Variants in RALYL observed in about 807,000 individuals in gnomAD.
RALYL encodes the protein RALY RNA binding protein like, also known as RNA-binding Raly-like protein.
In RALYL, 29 loss-of-function variants were observed where a neutral mutation model predicts 35.1. That is an observed-to-expected ratio of 0.83 (90% CI 0.61 to 1.13). RALYL has a LOEUF of 1.13. RALYL is among the 50% of genes most tolerant of loss of function. RALYL has a pLI of 0.00. For synonymous variants in RALYL, 120 were observed against 127.6 expected (o/e 0.94, Z 0.40); for missense variants, 359 against 360.4 (o/e 1.00, Z 0.03).
At chr8:84,483,360 G>A (rs992817261) in intron 1 of RALYL, among the ~76,000 whole-genome samples, 1 of 152,024 alleles carries the variant, frequency 6.6e-6, no homozygotes, top group Non-Finnish European at 1.5e-5. Flanking sequence ...TTCTTCTGGA[G>A]GTGTAGGGTA....
At chr8:84,649,291 C>A (rs959874632) in intron 2 of RALYL, among the ~76,000 whole-genome samples, 7 of 152,008 alleles carry the variant, frequency 4.6e-5, no homozygotes, top group Non-Finnish European at 8.8e-5. Flanking sequence ...TTAATTAGAT[C>A]CCATTTGTCA....
intron 1 of RALYL, among the ~76,000 whole-genome samples, chr8:84,307,533 G>A (rs1490360265): frequency 1.3e-5 from 2 of 152,158 alleles, no homozygotes; most frequent in African/African-American, 2.4e-5. Context: ...ATTGATTAAA[G>A]TAGTATCAAT....
At chr8:84,340,961 A>C (rs1356328562) in intron 1 of RALYL, among the ~76,000 whole-genome samples, 2 of 151,934 alleles carry the variant, frequency 1.3e-5, no homozygotes, top group Non-Finnish European at 2.9e-5. Context: ...GTTTTTCCAT[A>C]ATTTTGCAAG....
intron 1 of RALYL, among the ~76,000 whole-genome samples, chr8:84,446,779 G>A (rs1416823570): frequency 1.3e-5 from 2 of 151,966 alleles, no homozygotes; most frequent in African/African-American, 2.4e-5. Context: ...AGCTGAGGGG[G>A]TGCCATGCAG....
Position 84,486,009 on chromosome 8 carries a change from CTTT to C in RALYL, c.-23-43271_-23-43269del, listed in dbSNP as rs3043836. ...ACTCCTGTAATTTGAAAATCAAAAG[CTTT>C]TTTTTTTTTTTTTTTTTTGAGGAAG... is the stretch of plus-strand genomic sequence containing the variant. On this transcript the variant is annotated intron_variant, in intron 1 of 8. Transcript: ENST00000521268. Among the ~76,000 whole-genome samples the C allele has an allele frequency of 1.7e-3, 178 of 104,934 alleles. 1 individual carries two copies. Among genetic ancestry groups the C allele is most frequent in the South Asian group, 0.015 (43 of 2,812 alleles). 68.8% of individuals were successfully genotyped at this position (104,934 alleles called of 152,430 possible).
chr8:84,817,532 TTA>T (rs1827623009), intron 4 of RALYL, among the ~76,000 whole-genome samples: 1 of 106,752 alleles, frequency 9.4e-6, no homozygotes, highest in Non-Finnish European at 1.7e-5. Context: ...AACTAATCTT[TTA>T]TTATTATTAT....
At chr8:84,188,438 A>G (rs1813059027) in intron 1 of RALYL, among the ~76,000 whole-genome samples, 1 of 152,086 alleles carries the variant, frequency 6.6e-6, no homozygotes, top group Admixed American at 6.6e-5. Flanking sequence ...TATTACTGTT[A>G]CTATCTACTA....
At chr8:84,478,555 T>G (rs1280004853) in intron 1 of RALYL, among the ~76,000 whole-genome samples, 11 of 152,198 alleles carry the variant, frequency 7.2e-5, no homozygotes, top group Admixed American at 7.2e-4. Context: ...TTTCAGCTTT[T>G]AAAAGTTATA....
rs554257136 is a variant in RALYL, at chr8:84,743,036, C to T, written c.257-31543C>T. ...CAGAGTCATTTCTCTTCTGTTATTT[C>T]CTGGCAATTTTAGGAAAATATATTA... On this transcript the variant is annotated intron_variant, in intron 2 of 8. Transcript: ENST00000521268. Among the ~76,000 whole-genome samples the T allele has an allele frequency of 1.9e-3, 284 of 152,008 alleles. 1 individual carries two copies. The highest frequency in any genetic ancestry group is 3.4e-3 in the Non-Finnish European group (232 of 67,918).
At chr8:84,876,091 A>C (rs187658229) in intron 7 of RALYL, among the ~76,000 whole-genome samples, 103 of 152,234 alleles carry the variant, frequency 6.8e-4, no homozygotes, top group Non-Finnish European at 1.4e-3. Flanking sequence ...CTATACCTTA[A>C]ATTGCTCAAA....
intron 3 of RALYL, among the ~76,000 whole-genome samples, chr8:84,789,524 T>C (rs1820310824): frequency 6.6e-6 from 1 of 152,098 alleles, no homozygotes; most frequent in Non-Finnish European, 1.5e-5. Flanking sequence ...ATAGCAAATC[T>C]CATGTTTAGA....
intron 1 of RALYL, among the ~76,000 whole-genome samples, chr8:84,486,587 A>G (rs1489600915): frequency 1.3e-5 from 2 of 151,826 alleles, no homozygotes; most frequent in Non-Finnish European, 2.9e-5. Flanking sequence ...TTAATTTTTT[A>G]TAGTTTCTTT....
chr8:84,730,355 C>T (rs9692657), intron 2 of RALYL, among the ~76,000 whole-genome samples: 1,699 of 152,222 alleles, frequency 0.011, 37 homozygotes, highest in African/African-American at 0.039. Context: ...TAAAAACTCT[C>T]AATAAATGAG....
intron 1 of RALYL, among the ~76,000 whole-genome samples, chr8:84,457,826 A>G (rs1431937401): frequency 6.6e-6 from 1 of 151,648 alleles, no homozygotes; most frequent in African/African-American, 2.4e-5. Context: ...CTTTTTTTCT[A>G]TAATTATTTT....
At chr8:84,706,112 A>C (rs1473796719) in intron 2 of RALYL, 68 of 1,496,742 alleles carry the variant, frequency 4.5e-5, no homozygotes, top group Non-Finnish European at 5.9e-5. Flanking sequence ...GGGAAAACAT[A>C]CTTGATTTCT....
chr8:84,358,131 T>G (rs900140471), intron 1 of RALYL, among the ~76,000 whole-genome samples: 1 of 151,940 alleles, frequency 6.6e-6, no homozygotes, highest in African/African-American at 2.4e-5. Flanking sequence ...AAAACAGAAA[T>G]AGATGTTGAT....
intron 2 of RALYL, among the ~76,000 whole-genome samples, chr8:84,725,628 T>A (rs1220487321): frequency 6.6e-6 from 1 of 151,730 alleles, no homozygotes; most frequent in East Asian, 1.9e-4. Context: ...AGTTGAGTTC[T>A]CACATTAGGT....
intron 1 of RALYL, among the ~76,000 whole-genome samples, chr8:84,236,877 A>G (rs1022938820): frequency 1.3e-5 from 2 of 152,216 alleles, no homozygotes; most frequent in Admixed American, 6.5e-5. Context: ...GTGTACTTCA[A>G]TAAAAGTTTA....
chr8:84,689,037 G>C (rs183476174), intron 2 of RALYL, among the ~76,000 whole-genome samples: 1 of 151,336 alleles, frequency 6.6e-6, no homozygotes, highest in East Asian at 1.9e-4. Flanking sequence ...TACACTATTA[G>C]ACTGACTCAT....
Sources: gnomAD v4.1 joint callset for allele counts (sites outside exome capture counted in the v4.1 genomes callset) on GRCh38, gnomAD v4.1.1 for gene constraint, MANE v1.5 for transcripts, NCBI Gene and HGNC (gene_info 2026-07-23, HGNC 2026-07-21) for gene names.